Variants in CDH2 observed in about 807,000 individuals in gnomAD.
The protein encoded by CDH2 is cadherin-2.
In CDH2, 17 loss-of-function variants were observed where a neutral mutation model predicts 92.0. The ratio of observed to expected loss-of-function variants is 0.18; its 90% confidence interval spans 0.13 to 0.28. The LOEUF (loss-of-function observed/expected upper bound fraction) is 0.28. Ranked by LOEUF, CDH2 falls within the 10% of genes least tolerant of loss-of-function variation. The probability of loss-of-function intolerance (pLI) is 1.00; values close to 1 mark genes in which losing one functional copy is unlikely to be tolerated. For synonymous variants in CDH2, 419 were observed against 415.9 expected, an observed-to-expected ratio of 1.01 and a Z score of -0.09; for missense variants, 862 against 1,133.1, an observed-to-expected ratio of 0.76 and a Z score of 3.44.
At chr18:28,001,109 T>C (rs2012752141) in intron 7 of CDH2, among the ~76,000 whole-genome samples, 1 of 152,234 alleles carries the variant, frequency 6.6e-6, no homozygotes. Context: ...ATACTGTATC[T>C]AACCCATAAT....
chr18:28,176,701 G>C (rs2016547954), intron 1 of CDH2, among the ~76,000 whole-genome samples: 1 of 152,014 alleles, frequency 6.6e-6, no homozygotes, highest in Non-Finnish European at 1.5e-5. Flanking sequence ...CCCGAAGAAG[G>C]AGCAGAGGGG....
intron 7 of CDH2, 57 bp from the exon 8 acceptor site, chr18:27,993,694 C>T: frequency 7.4e-7 from 1 of 1,347,736 alleles, no homozygotes. Context: ...GAAGACATAA[C>T]AGTTGTTCTG....
intron 2 of CDH2, among the ~76,000 whole-genome samples, chr18:28,034,071 G>A (rs148691411): frequency 1.3e-5 from 2 of 151,792 alleles, no homozygotes; most frequent in African/African-American, 2.4e-5. Flanking sequence ...AATTCTTTCT[G>A]GTTTGGTGAA....
At chr18:27,993,263 CG>C (rs1881901881) in intron 8 of CDH2, among the ~76,000 whole-genome samples, 1 of 152,164 alleles carries the variant, frequency 6.6e-6, no homozygotes, top group African/African-American at 2.4e-5. Context: ...CTTTTTAGGA[CG>C]TGTTTTCCAG....
Position 27,937,518 on chromosome 18 carries a change from C to T in CDH2, c.1152-4394G>A, listed in dbSNP as rs542513531. 2.6e-5 allele frequency among the ~76,000 whole-genome samples: 4 copies of T among 152,222 alleles called. 1 individual carries two copies. Among genetic ancestry groups the T allele is most frequent in the African/African-American group, 9.6e-5 (4 of 41,530 alleles). ...GTTATGACATTAGGCTAATTTATCC[C>T]TTTGTTCGTTTTAATACACCATTTT... is the stretch of plus-strand genomic sequence containing the variant. On this transcript the variant is annotated intron_variant, in intron 6 of 6. Coordinates refer to the CDH2 transcript ENST00000675173.
At chr18:28,076,394 A>G (rs1273211581) in intron 2 of CDH2, among the ~76,000 whole-genome samples, 1 of 152,176 alleles carries the variant, frequency 6.6e-6, no homozygotes, top group Non-Finnish European at 1.5e-5. Context: ...AATCTGTTAG[A>G]TAGAGACTCA....
intron 1 of CDH2, among the ~76,000 whole-genome samples, chr18:28,150,903 A>G (rs1407908993): frequency 6.6e-6 from 1 of 152,194 alleles, no homozygotes; most frequent in African/African-American, 2.4e-5. Context: ...TATTCTCCCT[A>G]TTTATTTCCT....
At chr18:28,096,288 CAA>C (rs2015133382) in intron 2 of CDH2, among the ~76,000 whole-genome samples, 1 of 151,928 alleles carries the variant, frequency 6.6e-6, no homozygotes, top group African/African-American at 2.4e-5. Context: ...CAATTTTACA[CAA>C]GTCAAAATTC....
chr18:27,979,504 C>T (rs2011968783), intron 14 of CDH2, among the ~76,000 whole-genome samples: 1 of 152,126 alleles, frequency 6.6e-6, no homozygotes, highest in Non-Finnish European at 1.5e-5. Context: ...GAAAATGCAC[C>T]AGAACATATG....
At chr18:27,936,517 T>C (rs186216369) in intron 6 of CDH2, among the ~76,000 whole-genome samples, 136 of 152,266 alleles carry the variant, frequency 8.9e-4, no homozygotes, top group African/African-American at 3.1e-3. Context: ...TTTCTTATAC[T>C]GTTTTCCCCT....
At chr18:28,059,971 A>T (rs967216859) in intron 2 of CDH2, among the ~76,000 whole-genome samples, 5 of 152,094 alleles carry the variant, frequency 3.3e-5, no homozygotes, top group Admixed American at 3.3e-4. Context: ...CTCTAATTTC[A>T]TGTAATATGA....
At chr18:28,102,232 G>GA (rs902086038) in intron 2 of CDH2, among the ~76,000 whole-genome samples, 9 of 151,974 alleles carry the variant, frequency 5.9e-5, no homozygotes, top group Non-Finnish European at 1.2e-4. Context: ...AATTTTAGTA[G>GA]AAAAAATCTT....
intron 2 of CDH2, among the ~76,000 whole-genome samples, chr18:28,027,145 T>A (rs964042152): frequency 6.6e-6 from 1 of 151,972 alleles, no homozygotes; most frequent in African/African-American, 2.4e-5. Flanking sequence ...TGAATATCGG[T>A]TTTTGTGTTA....
At chr18:27,961,117 T>C (rs2143880333) in intron 15 of CDH2, among the ~76,000 whole-genome samples, 2 of 151,840 alleles carry the variant, frequency 1.3e-5, no homozygotes, top group Middle Eastern at 6.8e-3. Context: ...GAATGTAATC[T>C]GACAAGTAGG....
rs146811272 is a variant in CDH2, at chr18:28,064,435, CTT to C, written c.173-50528_173-50527del. On this transcript the variant is annotated intron_variant, in intron 2 of 15. Transcript: ENST00000269141. ...TGTGTACCACCACACCTGGCATCCT[CTT>C]TTCTTTCACTGGCTTCCTGAACTTC... 1.6e-3 allele frequency among the ~76,000 whole-genome samples: 248 copies of C among 152,252 alleles called. 7 individuals carry two copies. The East Asian group carries it at 0.036, about 22-fold the overall frequency.
intron 2 of CDH2, among the ~76,000 whole-genome samples, chr18:28,095,807 C>CAAAAAAAAAAAAAAAAAA (rs33981188): frequency 4.5e-4 from 46 of 102,898 alleles, no homozygotes; most frequent in African/African-American, 5.4e-4. Context: ...GCAACTCCAT[C>CAAAAAAAAAAAAAAAAAA]AAAAAAAAAA....
intron 1 of CDH2, chr18:28,159,010 TG>T (rs1445619094): frequency 6.6e-6 from 1 of 152,236 alleles, no homozygotes; most frequent in African/African-American, 2.4e-5. Flanking sequence ...AAATTCTCTA[TG>T]GTAAACAGCA....
intron 14 of CDH2, among the ~76,000 whole-genome samples, chr18:27,972,044 CT>C (rs2011675399): frequency 1.3e-5 from 2 of 152,286 alleles, no homozygotes; most frequent in Non-Finnish European, 1.5e-5. Flanking sequence ...GAAGAGATTT[CT>C]TGACTCAGAA....
At chr18:28,095,807 C>CAAAAAAAAAAAAAAAAAAA (rs33981188) in intron 2 of CDH2, among the ~76,000 whole-genome samples, 47 of 102,900 alleles carry the variant, frequency 4.6e-4, no homozygotes, top group Non-Finnish European at 7.2e-4. Flanking sequence ...GCAACTCCAT[C>CAAAAAAAAAAAAAAAAAAA]AAAAAAAAAA....
Sources: allele counts gnomAD v4.1 joint callset (sites outside exome capture counted in the v4.1 genomes callset), GRCh38; gene constraint gnomAD v4.1.1; transcripts MANE v1.5; gene names NCBI Gene and HGNC (gene_info 2026-07-23, HGNC 2026-07-21).